CSMD1: variants seen among roughly 807,000 people sequenced by gnomAD.
The protein encoded by CSMD1 is CUB and sushi domain-containing protein 1.
Under a neutral mutation model 417.5 loss-of-function variants are expected in CSMD1, and 213 were observed. The observed-to-expected ratio is 0.51, with a 90% CI of 0.46 to 0.57. CSMD1 has a LOEUF of 0.57. CSMD1 is among the 20% of genes least tolerant of loss of function. The pLI, the probability that CSMD1 is intolerant of heterozygous loss-of-function variation, is 0.00. For missense variants in CSMD1, 6,923 were observed against 4,529.7 expected (o/e 1.53, Z -15.17); for synonymous variants, 2,862 against 1,736.8 (o/e 1.65, Z -16.11).
chr8:3,518,519 A>C (rs1797374527), intron 10 of CSMD1, among the ~76,000 whole-genome samples: 1 of 152,202 alleles, frequency 6.6e-6, no homozygotes, highest in Non-Finnish European at 1.5e-5. Context: ...AAAATGACTA[A>C]AATGATCAAT....
chr8:4,173,868 C>A (rs1321429454), intron 3 of CSMD1, among the ~76,000 whole-genome samples: 4 of 152,102 alleles, frequency 2.6e-5, no homozygotes, highest in South Asian at 2.1e-4. Flanking sequence ...TCTCTTCTCT[C>A]CGGGTTTGAA....
chr8:4,117,058 C>G (rs973598701), intron 3 of CSMD1, among the ~76,000 whole-genome samples: 1 of 151,808 alleles, frequency 6.6e-6, no homozygotes, highest in African/African-American at 2.4e-5. Context: ...CAGTAGTTAA[C>G]CAGAATGAAA....
rs73176315 is a variant in CSMD1 at position 4,126,298 on chromosome 8, C to G, written c.416-94199G>C. On this transcript the variant is annotated intron_variant, in intron 3 of 69. Coordinates refer to ENST00000635120, the MANE Select transcript of CSMD1 (RefSeq NM_033225.6). Reference sequence around the variant, plus strand: ...TCACTCTTTCTTCATAGCAATGTCCCTGTTGATAAATTGGCTCTGTCTGGG... The same window carrying G: ...TCACTCTTTCTTCATAGCAATGTCCGTGTTGATAAATTGGCTCTGTCTGGG... Among the ~76,000 whole-genome samples, 904 of 152,290 alleles carry G rather than the reference C, an allele frequency of 5.9e-3. 2 individuals carry two copies. Among genetic ancestry groups the G allele is most frequent in the Middle Eastern group, 0.01 (3 of 294 alleles).
chr8:3,574,834 C>A, intron 10 of CSMD1, 111 bp downstream of exon 10: 2 of 1,276,488 alleles, frequency 1.6e-6, no homozygotes, highest in South Asian at 3.3e-5. Flanking sequence ...CTTTTAAATT[C>A]AAACAGTAAA....
intron 6 of CSMD1, among the ~76,000 whole-genome samples, chr8:3,715,755 C>A (rs1284970406): frequency 6.6e-6 from 1 of 152,134 alleles, no homozygotes; most frequent in African/African-American, 2.4e-5. Context: ...GTTGGCCAAA[C>A]TGGTCTCAAA....
intron 10 of CSMD1, among the ~76,000 whole-genome samples, chr8:3,554,298 A>C (rs370024251): frequency 6.6e-6 from 1 of 152,250 alleles, no homozygotes; most frequent in Admixed American, 6.5e-5. Context: ...AAATGGGTCC[A>C]GACCAGTTCA....
chr8:4,697,536 A>T (rs531801830), intron 1 of CSMD1, among the ~76,000 whole-genome samples: 2 of 152,106 alleles, frequency 1.3e-5, no homozygotes, highest in African/African-American at 4.8e-5. Context: ...TGTTTACTCA[A>T]TTGGGGAATG....
intron 5 of CSMD1, among the ~76,000 whole-genome samples, chr8:3,990,714 G>C (rs1035975126): frequency 3.4e-4 from 51 of 152,216 alleles, no homozygotes; most frequent in African/African-American, 1.2e-3. Flanking sequence ...CTTAATTCTA[G>C]GCAATAAGAC....
At chr8:3,137,695 G>A (rs76927918) in intron 41 of CSMD1, among the ~76,000 whole-genome samples, 4,366 of 152,238 alleles carry the variant, frequency 0.029, 124 homozygotes, top group African/African-American at 0.076. Context: ...AGCAAATGCC[G>A]TGTAAATAGT....
intron 6 of CSMD1, among the ~76,000 whole-genome samples, chr8:3,726,880 C>T (rs1049990073): frequency 7.2e-5 from 11 of 152,084 alleles, no homozygotes; most frequent in African/African-American, 2.4e-4. Context: ...TTTCCTGTCC[C>T]GTTAAAAAAC....
chr8:4,539,658 C>T (rs1526341), intron 2 of CSMD1, among the ~76,000 whole-genome samples: 62,549 of 151,960 alleles, frequency 0.41, 12,999 homozygotes, highest in Admixed American at 0.45. Flanking sequence ...GGTAAAATAA[C>T]TGAGAATATT....
rs188161014 is a variant in CSMD1, at chr8:4,622,852, C to T, written c.302+14490G>A. Among the ~76,000 whole-genome samples, 6 of 152,018 alleles carry T rather than the reference C, an allele frequency of 3.9e-5. No homozygotes were observed. The East Asian group carries it at 1.2e-3, about 29-fold the overall frequency. On this transcript the variant is annotated intron_variant, in intron 2 of 69. Coordinates refer to ENST00000635120, the MANE Select transcript of CSMD1 (RefSeq NM_033225.6). ...CTCTTTGCAGATGACATGGTTGCCT[C>T]CATAAAAATTTCTCATGGAATCTTT...
rs191146598 is a variant in CSMD1 at position 3,988,184 on chromosome 8, G to A, written c.818+9719C>T. Among the ~76,000 whole-genome samples, 298 of 152,200 alleles carry A rather than the reference G, an allele frequency of 2.0e-3. 1 individual carries two copies. The highest frequency in any genetic ancestry group is 1.4e-3 in the Non-Finnish European group (92 of 68,014). The stretch of plus-strand genomic sequence containing the variant: ...CAGAAAACTAAATCAGAGTCTCTAA[G>A]CAGTAAGACCCTGGTGAGTCTGTGA... On this transcript the variant is annotated intron_variant, in intron 5 of 69. Transcript: ENST00000635120.
At chr8:3,571,349 C>A (rs139128306) in intron 10 of CSMD1, among the ~76,000 whole-genome samples, 2 of 152,300 alleles carry the variant, frequency 1.3e-5, no homozygotes, top group African/African-American at 4.8e-5. Context: ...ATACACATCT[C>A]CTACATAAAG....
intron 5 of CSMD1, among the ~76,000 whole-genome samples, chr8:3,916,701 G>C (rs1021887264): frequency 1.3e-5 from 2 of 152,112 alleles, no homozygotes; most frequent in South Asian, 2.1e-4. Flanking sequence ...TCCTACTACA[G>C]TCATCACAAG....
At chr8:3,869,896 G>C (rs1805364185) in intron 5 of CSMD1, among the ~76,000 whole-genome samples, 1 of 151,732 alleles carries the variant, frequency 6.6e-6, no homozygotes, top group Non-Finnish European at 1.5e-5. Context: ...AGTGCTTGAA[G>C]GGCTTAAAGG....
chr8:3,994,450 A>G lies in CSMD1; in HGVS notation c.818+3453T>C, dbSNP rs1299648612. On this transcript the variant is annotated intron_variant, in intron 5 of 69. Coordinates refer to ENST00000635120, the MANE Select transcript of CSMD1 (RefSeq NM_033225.6). ...GCTACACCATCAAATCTCTTCAGAA[A>G]AAAAAAAAAAAAAAAAGAACACTTG... 4.0e-3 allele frequency among the ~76,000 whole-genome samples: 578 copies of G among 144,946 alleles called. 3 individuals carry two copies. The highest frequency in any genetic ancestry group is 0.01 in the African/African-American group (385 of 38,340).
At chr8:4,315,869 A>G (rs55697959) in intron 3 of CSMD1, among the ~76,000 whole-genome samples, 28,489 of 152,108 alleles carry the variant, frequency 0.19, 2,897 homozygotes, top group East Asian at 0.33. Flanking sequence ...CAGTCTTCTT[A>G]GTAAAATTTT....
At chr8:4,095,528 A>G (rs1158570815) in intron 3 of CSMD1, among the ~76,000 whole-genome samples, 5 of 152,254 alleles carry the variant, frequency 3.3e-5, no homozygotes, top group Non-Finnish European at 7.3e-5. Flanking sequence ...CACTAGTATC[A>G]ATGTAAACAT....
Sources: allele counts gnomAD v4.1 joint callset (sites outside exome capture counted in the v4.1 genomes callset), GRCh38; gene constraint gnomAD v4.1.1; transcripts MANE v1.5; gene names NCBI Gene and HGNC (gene_info 2026-07-23, HGNC 2026-07-21).